The following DNAH14 variants were observed in gnomAD, a reference collection of about 807,000 sequenced individuals.
DNAH14 encodes the protein axonemal beta dynein heavy chain 14.
In DNAH14, 478 loss-of-function variants were observed where a neutral mutation model predicts 520.9. That is an observed-to-expected ratio of 0.92 (90% CI 0.85 to 0.99). The LOEUF (loss-of-function observed/expected upper bound fraction) is 0.99, where lower values mean the gene tolerates loss of function less well. Among genes scored for constraint, DNAH14 ranks in the 50% least tolerant of loss-of-function variants. DNAH14 has a pLI of 0.00. For synonymous variants in DNAH14, 1,581 were observed against 1,757.2 expected, an observed-to-expected ratio of 0.90 and a Z score of 2.51; for missense variants, 4,831 against 5,234.5, an observed-to-expected ratio of 0.92 and a Z score of 2.38.
intron 15 of DNAH14, among the ~76,000 whole-genome samples, chr1:225,045,150 T>G (rs770108927): frequency 6.6e-5 from 10 of 152,100 alleles, no homozygotes; most frequent in Non-Finnish European, 1.2e-4. Flanking sequence ...TTCTTACCAA[T>G]CTTTCCATAT....
At chr1:225,138,347 C>G (rs186138006) in intron 27 of DNAH14, among the ~76,000 whole-genome samples, 13 of 152,356 alleles carry the variant, frequency 8.5e-5, no homozygotes, top group Non-Finnish European at 1.5e-4. Flanking sequence ...CCCATTGGAT[C>G]TCAGTCCTAT....
chr1:225,006,566 C>T (rs899156869), intron 9 of DNAH14, among the ~76,000 whole-genome samples: 3 of 151,880 alleles, frequency 2.0e-5, no homozygotes, highest in Non-Finnish European at 2.9e-5. Flanking sequence ...GGATGAAATA[C>T]GCCCTGGTCT....
intron 10 of DNAH14, among the ~76,000 whole-genome samples, chr1:225,020,206 A>C (rs2065552850): frequency 6.6e-6 from 1 of 152,006 alleles, no homozygotes; most frequent in Non-Finnish European, 1.5e-5. Context: ...AAATACAAAA[A>C]AAAATCTCAG....
At chr1:225,187,623 T>C (rs1468925576) in intron 37 of DNAH14, among the ~76,000 whole-genome samples, 1 of 152,026 alleles carries the variant, frequency 6.6e-6, no homozygotes, top group East Asian at 1.9e-4. Flanking sequence ...GTATGAGGCT[T>C]TCTGTTTCTC....
At chr1:225,001,179 T>C (rs1396512374) in intron 8 of DNAH14, among the ~76,000 whole-genome samples, 1 of 152,052 alleles carries the variant, frequency 6.6e-6, no homozygotes, top group Non-Finnish European at 1.5e-5. Flanking sequence ...CTGGGATATA[T>C]TGGGCAAAAA....
rs1044120817 is a variant in DNAH14 at position 225,008,725 on chromosome 1, G to A, written c.1107+1181G>A. On this transcript the variant is annotated intron_variant, in intron 10 of 85. Transcript: ENST00000682510. ...CAGGCATGAGCCACCGCGCCTGGCCGTTTCCTGACTTTTTAATGATCGCCC... is the reference window on the plus strand; with the variant it reads ...CAGGCATGAGCCACCGCGCCTGGCCATTTCCTGACTTTTTAATGATCGCCC... Among the ~76,000 whole-genome samples the A allele has an allele frequency of 9.9e-5, 15 of 151,818 alleles. No individual in the cohort carries two copies. In the East Asian group the frequency reaches 2.3e-3, roughly 24 times the overall value.
Position 225,301,025 on chromosome 1 carries a change from C to G in DNAH14, c.8626C>G (p.Gln2876Glu). 6.5e-7 allele frequency: 1 copy of G among 1,547,478 alleles called. No homozygotes were observed. The highest frequency in any genetic ancestry group is 8.7e-7 in the Non-Finnish European group (1 of 1,145,710). Residue 2876 changes from glutamine (Q) to glutamate (E), a missense_variant, in exon 56 of 86, where the codon CAA becomes GAA. Gln to Glu is a conservative substitution (Grantham distance 29). Transcript: ENST00000682510. ...TAGGCAATCTTTACTTTCATTCTTT[C>G]AAAAGGTACTTTTTTGTGACTTGGC... ...DNRQSLLSFFQKRIYKNLHIF... is the reference protein window; with the variant it reads ...DNRQSLLSFFEKRIYKNLHIF...
Position 225,185,425 on chromosome 1 carries a change from G to T in DNAH14, c.5670G>T (p.Lys1890Asn). ...TTGCAGAAAGAAAATCTGCTTCAAA[G>T]GTAAATGTTCTGTTAAATAAAATGT... is the stretch of plus-strand genomic sequence containing the variant. The part of the protein sequence containing the change: ...LSVAERKSAS[K>N]ISERKGKVDI... The change falls in exon 37 of 86, where the codon AAG (lysine) becomes AAT (asparagine). Residue 1890 changes from lysine to asparagine, a missense_variant and splice_region_variant. Coordinates refer to ENST00000682510, the MANE Select transcript of DNAH14 (RefSeq NM_001367479.1). 1 of 1,526,130 alleles carries T rather than the reference G, an allele frequency of 6.6e-7. No individual in the cohort carries two copies. Among genetic ancestry groups the T allele is most frequent in the Non-Finnish European group, 8.8e-7 (1 of 1,137,934 alleles). The allele number at this position is 1,526,130 out of a possible 1,614,324, so 94.5% of individuals were successfully genotyped here. A position where few individuals can be genotyped will look rare whatever the true frequency, so the allele number is the denominator to read the frequency against.
chr1:225,041,008 A>G (rs1225212379), intron 12 of DNAH14, among the ~76,000 whole-genome samples: 2 of 152,250 alleles, frequency 1.3e-5, no homozygotes, highest in Non-Finnish European at 2.9e-5. Flanking sequence ...GGACAGAACC[A>G]ATAAGATTCA....
At chr1:225,183,091 G>A (rs1252367330) in intron 36 of DNAH14, among the ~76,000 whole-genome samples, 1 of 152,174 alleles carries the variant, frequency 6.6e-6, no homozygotes, top group African/African-American at 2.4e-5. Context: ...AAGTATGCAG[G>A]GGACTTTGCC....
rs2095246637 is a variant in DNAH14, at chr1:225,344,121, G to A, written c.10679-1841G>A. Among the ~76,000 whole-genome samples, 3 of 151,920 alleles carry A rather than the reference G, an allele frequency of 2.0e-5. No homozygotes were observed. The South Asian group carries it at 6.2e-4, about 32-fold the overall frequency. ...TAAAGACTGTGATCTTTGAGTAATA[G>A]TGGTTTTAGTAAAAATTGTTCTTGA... On this transcript the variant is annotated intron_variant, in intron 69 of 85. Coordinates refer to ENST00000682510, the MANE Select transcript of DNAH14 (RefSeq NM_001367479.1).
At chr1:224,960,353 A>T (rs2060768333) in intron 4 of DNAH14, 51 bp downstream of exon 4, 1 of 1,447,198 alleles carries the variant, frequency 6.9e-7, no homozygotes. Context: ...ACTTTTTCAG[A>T]TTATTCTGTG....
chr1:225,359,795 C>T (rs900987713), intron 74 of DNAH14, among the ~76,000 whole-genome samples: 5 of 152,214 alleles, frequency 3.3e-5, no homozygotes, highest in Admixed American at 3.3e-4. Context: ...CACACATCCT[C>T]CCTTTAAGGA....
chr1:225,132,048 T>G (rs1225915925), intron 27 of DNAH14, among the ~76,000 whole-genome samples: 2 of 152,168 alleles, frequency 1.3e-5, no homozygotes, highest in African/African-American at 4.8e-5. Context: ...CCAGAAAAAC[T>G]GAGTAATCAT....
chr1:224,944,051 G>C (rs1214616583), intron 1 of DNAH14, among the ~76,000 whole-genome samples: 1 of 152,146 alleles, frequency 6.6e-6, no homozygotes, highest in African/African-American at 2.4e-5. Flanking sequence ...GGATATCCTT[G>C]TTAACTTTCT....
intron 44 of DNAH14, among the ~76,000 whole-genome samples, chr1:225,255,038 C>G (rs1313912898): frequency 6.6e-6 from 1 of 152,162 alleles, no homozygotes; most frequent in Non-Finnish European, 1.5e-5. Context: ...AATCCGTACT[C>G]TAAGGGTTTA....
rs559126704 is a variant in DNAH14, at chr1:225,287,285, T to A, written c.8272-2600T>A. Among the ~76,000 whole-genome samples the A allele has an allele frequency of 4.6e-5, 7 of 152,188 alleles. No homozygotes were observed. The East Asian group carries it at 1.2e-3, about 25-fold the overall frequency. Reference sequence around the variant, plus strand: ...AGAATGTGAAAGAAAAATCAAACCATGTTGCAAGTGTGTGACACAAACTCA... The same window carrying A: ...AGAATGTGAAAGAAAAATCAAACCAAGTTGCAAGTGTGTGACACAAACTCA... On this transcript the variant is annotated intron_variant, in intron 54 of 85. Coordinates refer to ENST00000682510, the MANE Select transcript of DNAH14 (RefSeq NM_001367479.1).
At chr1:225,288,303 C>T (rs2093793186) in intron 54 of DNAH14, among the ~76,000 whole-genome samples, 1 of 152,006 alleles carries the variant, frequency 6.6e-6, no homozygotes, top group African/African-American at 2.4e-5. Flanking sequence ...TGATCAGAAC[C>T]CCTTGAAACT....
chr1:225,227,877 C>T (rs1177589062), intron 41 of DNAH14, among the ~76,000 whole-genome samples: 1 of 152,156 alleles, frequency 6.6e-6, no homozygotes, highest in Non-Finnish European at 1.5e-5. Context: ...CATATGTTTT[C>T]CTTATGGGAG....
Sources: allele counts gnomAD v4.1 joint callset (sites outside exome capture counted in the v4.1 genomes callset), GRCh38; gene constraint gnomAD v4.1.1; transcripts MANE v1.5; gene names NCBI Gene and HGNC (gene_info 2026-07-23, HGNC 2026-07-21).